Variants in NR5A1 observed in about 807,000 individuals in gnomAD.
The protein encoded by NR5A1 is nuclear receptor subfamily 5 group A member 1.
Under a neutral mutation model 42.7 loss-of-function variants are expected in NR5A1, and 6 were observed. The observed-to-expected ratio is 0.14, with a 90% CI of 0.08 to 0.28. The LOEUF (loss-of-function observed/expected upper bound fraction) is 0.28, where lower values mean the gene tolerates loss of function less well. NR5A1 is among the 10% of genes least tolerant of loss of function. The probability of loss-of-function intolerance (pLI) is 1.00; values close to 1 mark genes in which losing one functional copy is unlikely to be tolerated. For synonymous variants in NR5A1, 274 were observed against 277.5 expected, an observed-to-expected ratio of 0.99 and a Z score of 0.12; for missense variants, 442 against 626.4, an observed-to-expected ratio of 0.71 and a Z score of 3.14.
Position 124,496,210 on chromosome 9 carries a change from C to T in NR5A1, c.871-3061G>A, listed in dbSNP as rs936302519. 6.0e-5 allele frequency among the ~76,000 whole-genome samples: 9 copies of T among 150,484 alleles called. No individual in the cohort carries two copies. Among genetic ancestry groups the T allele is most frequent in the Admixed American group, 1.3e-4 (2 of 15,200 alleles). ...CACACACACACACACACACACACAA[C>T]CTCTTTTTATTTAAAAGAAAACCAC... On this transcript the variant is annotated intron_variant, in intron 4 of 6. Coordinates refer to ENST00000373588, the MANE Select transcript of NR5A1 (RefSeq NM_004959.5). The surrounding 1 kb of genome is among the most constrained non-coding windows in gnomAD (Gnocchi z 5.0).
In NR5A1 at chr9:124,482,725, G is replaced by GCCCCC; in HGVS notation, c.*28_*32dup. 1.2e-5 allele frequency: 2 copies of GCCCCC among 167,200 alleles called. No individual in the cohort carries two copies. The highest frequency in any genetic ancestry group is 3.2e-5 in the South Asian group (1 of 31,220). The allele number at this position is 167,200 out of a possible 1,614,324, so 10.4% of individuals were successfully genotyped here. A position where few individuals can be genotyped will look rare whatever the true frequency, so the allele number is the denominator to read the frequency against. On this transcript the variant is annotated 3_prime_UTR_variant, in exon 7 of 7. Coordinates refer to ENST00000373588, the MANE Select transcript of NR5A1 (RefSeq NM_004959.5). ...CCGCCCAGGCCCCGCCCCCAGTCCC[G>GCCCCC]CCCCCAGTCCCGGCCCCGCCCCCGG...
In NR5A1 at chr9:124,491,961, A is replaced by G. The variant is rs536517765; in HGVS notation, c.991-733T>C. Among the ~76,000 whole-genome samples the G allele has an allele frequency of 3.0e-4, 45 of 151,870 alleles. No homozygotes were observed. The South Asian group carries it at 9.0e-3, about 30-fold the overall frequency. ...ACTCAGCCAGCCTGCGGACACCCACACTTCATGCAGACTGCAGGCACCTGC... is the reference window on the plus strand; with the variant it reads ...ACTCAGCCAGCCTGCGGACACCCACGCTTCATGCAGACTGCAGGCACCTGC... On this transcript the variant is annotated intron_variant, in intron 5 of 6. Transcript: ENST00000373588.
intron 4 of NR5A1, 101 bp downstream of exon 4, chr9:124,499,989 C>T: frequency 6.4e-7 from 1 of 1,564,376 alleles, no homozygotes; most frequent in African/African-American, 1.3e-5. Context: ...CTGCCTGAAG[C>T]CAGTGGGAAG....
At chr9:124,494,048 C>T (rs752303678) in intron 4 of NR5A1, among the ~76,000 whole-genome samples, 4 of 152,246 alleles carry the variant, frequency 2.6e-5, no homozygotes, top group Non-Finnish European at 5.9e-5. Flanking sequence ...TGTGACAAAA[C>T]GAGCCCTTCT....
chr9:124,481,340 A>G lies in NR5A1; in HGVS notation c.*1418T>C, dbSNP rs1433499261. The G allele has an allele frequency of 7.7e-6, 1 of 129,378 alleles. No individual in the cohort carries two copies. Among genetic ancestry groups the G allele is most frequent in the Non-Finnish European group, 1.6e-5 (1 of 64,032 alleles). The allele number at this position is 129,378 out of a possible 1,614,324, so 8.0% of individuals were successfully genotyped here. A position where few individuals can be genotyped will look rare whatever the true frequency, so the allele number is the denominator to read the frequency against. ...GGGTCTCCGGCCTTGGCAGGGGCAC[A>G]TGTTTCAGGGGGCGGGGAGGGGAGG... On this transcript the variant is annotated 3_prime_UTR_variant, in exon 7 of 7. Transcript: ENST00000373588.
rs1053530869 is a variant in NR5A1 at position 124,504,638 on chromosome 9, G to A, written c.-15-1228C>T. ...AGCGCGAAGAGCCAGGGCCCGGGAC[G>A]CGAGAGGGGGCGCGACGGCGGCTGC... is the stretch of plus-strand genomic sequence containing the variant. On this transcript the variant is annotated intron_variant, in intron 1 of 6. Transcript: ENST00000373588. 4.0e-4 allele frequency among the ~76,000 whole-genome samples: 61 copies of A among 151,392 alleles called. 1 individual carries two copies. The highest frequency in any genetic ancestry group is 2.0e-4 in the Admixed American group (3 of 15,208).
In NR5A1 at chr9:124,503,081, T is replaced by C; in HGVS notation, c.242A>G (p.Glu81Gly). Residue 81 changes from glutamate to glycine, a missense_variant and splice_region_variant, in exon 3 of 7, where the codon GAA becomes GGA. Coordinates refer to ENST00000373588, the MANE Select transcript of NR5A1 (RefSeq NM_004959.5). This position sits in a 1 kb window ranked among gnomAD's most constrained non-coding sequence, Gnocchi z 9.6. Reference protein sequence around the residue: ...QKCLTVGMRLEAVRADRMRGG... With the variant: ...QKCLTVGMRLGAVRADRMRGG... ...GTCGAGGCCCGCGCGGCGCGCACCT[T>C]CCAGGCGCATCCCCACCGTCAGGCA... The C allele has an allele frequency of 6.3e-7, 1 of 1,577,822 alleles. No homozygotes were observed. Among genetic ancestry groups the C allele is most frequent in the Non-Finnish European group, 8.6e-7 (1 of 1,164,916 alleles).
chr9:124,482,702 G>GGCCCCCCCCC lies in NR5A1; in HGVS notation c.*55_*56insGGGGGGGGGC. 2.6e-6 allele frequency: 1 copy of GGCCCCCCCCC among 389,624 alleles called. No homozygotes were observed. The highest frequency in any genetic ancestry group is 1.8e-5 in the South Asian group (1 of 54,832). 24.1% of individuals were successfully genotyped at this position (389,624 alleles called of 1,614,324 possible). A position where few individuals can be genotyped will look rare whatever the true frequency, so the allele number is the denominator to read the frequency against. ...GAGCCAGCGGTGTGGCTGCGGCCCC[G>GGCCCCCCCCC]CCCAGGCCCCGCCCCCAGTCCCGCC... is the stretch of plus-strand genomic sequence containing the variant. On this transcript the variant is annotated 3_prime_UTR_variant, in exon 7 of 7. Transcript: ENST00000373588.
At chr9:124,504,052 C>T (rs142718853) in intron 1 of NR5A1, among the ~76,000 whole-genome samples, 1 of 103,294 alleles carries the variant, frequency 9.7e-6, no homozygotes, top group Non-Finnish European at 1.8e-5. Flanking sequence ...GAGAGAGAGA[C>T]GAGAGAGAGA....
intron 6 of NR5A1, among the ~76,000 whole-genome samples, chr9:124,487,777 C>T (rs1016223054): frequency 6.6e-6 from 1 of 152,218 alleles, no homozygotes; most frequent in African/African-American, 2.4e-5. Flanking sequence ...TCCCTGGAGC[C>T]CCAGCTCTGG....
intron 1 of NR5A1, among the ~76,000 whole-genome samples, chr9:124,504,276 G>C (rs970483911): frequency 1.3e-5 from 2 of 152,194 alleles, no homozygotes; most frequent in Non-Finnish European, 2.9e-5. Context: ...CGCCCAGCCC[G>C]AGGGTCGGGG....
Position 124,491,094 on chromosome 9 carries a change from G to A in NR5A1, c.1125C>T (p.Ile375=). The A allele has an allele frequency of 1.9e-6, 3 of 1,601,644 alleles. No homozygotes were observed. The highest frequency in any genetic ancestry group is 2.2e-5 in the South Asian group (2 of 89,684). The part of the protein sequence containing the change: ...RQEFVCLKFI[I]LFSLDLKFLN... Reference sequence around the variant, plus strand: ...AGCTGCACTCACCCAGGCTGAAGAGGATGATGAACTTGAGGCAGACAAACT... The same window carrying A: ...AGCTGCACTCACCCAGGCTGAAGAGAATGATGAACTTGAGGCAGACAAACT... The change falls in exon 6 of 7, where the codon ATC becomes ATT. Residue 375 remains isoleucine (I), a synonymous_variant. Transcript: ENST00000373588.
intron 5 of NR5A1, among the ~76,000 whole-genome samples, chr9:124,492,528 C>G (rs531488237): frequency 6.6e-6 from 1 of 152,048 alleles, no homozygotes; most frequent in African/African-American, 2.4e-5. Flanking sequence ...TTCATTCATT[C>G]GAGATTTAGG....
intron 3 of NR5A1, 137 bp downstream of exon 3, chr9:124,502,942 C>T (rs2131289480): frequency 8.0e-7 from 1 of 1,244,716 alleles, no homozygotes; most frequent in Non-Finnish European, 1.1e-6. Flanking sequence ...GGTTCTCTTG[C>T]AGCGACTGGG....
In NR5A1 at chr9:124,503,143, C is replaced by G. The variant is rs1832493642; in HGVS notation, c.180G>C (p.Thr60=). Residue 60 remains threonine (T), a synonymous_variant, in exon 3 of 7, where the codon ACG becomes ACC. Coordinates refer to ENST00000373588, the MANE Select transcript of NR5A1 (RefSeq NM_004959.5). The surrounding 1 kb of genome is among the most constrained non-coding windows in gnomAD (Gnocchi z 9.6). Reference sequence around the variant, plus strand: ...GGCAGAAGGGACAGCGCTTGCGCTGCGTCTTGTCGATCTTGCAGCTCTGGC... The same window carrying G: ...GGCAGAAGGGACAGCGCTTGCGCTGGGTCTTGTCGATCTTGCAGCTCTGGC... ...TESQSCKIDK[T]QRKRCPFCRF... 2 of 1,598,110 alleles carry G rather than the reference C, an allele frequency of 1.3e-6. No homozygotes were observed. The highest frequency in any genetic ancestry group is 1.7e-6 in the Non-Finnish European group (2 of 1,173,644).
At chr9:124,506,139 C>G (rs371340777) in intron 1 of NR5A1, among the ~76,000 whole-genome samples, 10 of 152,358 alleles carry the variant, frequency 6.6e-5, no homozygotes, top group African/African-American at 2.4e-4. Flanking sequence ...GGCCAGAGAA[C>G]CCCCCGCGCA....
At chr9:124,483,910 C>T (rs1333377894) in intron 6 of NR5A1, among the ~76,000 whole-genome samples, 1 of 152,216 alleles carries the variant, frequency 6.6e-6, no homozygotes, top group East Asian at 1.9e-4. Context: ...GGGGAGCATG[C>T]ACATTCACTG....
At chr9:124,489,422 A>G (rs777746223) in intron 6 of NR5A1, among the ~76,000 whole-genome samples, 44 of 152,226 alleles carry the variant, frequency 2.9e-4, no homozygotes, top group Non-Finnish European at 5.9e-4. Context: ...CCCCAGTCAC[A>G]CACAAACTCT....
At chr9:124,490,671 A>G (rs73594063) in intron 6 of NR5A1, among the ~76,000 whole-genome samples, 8,522 of 151,968 alleles carry the variant, frequency 0.056, 681 homozygotes, top group African/African-American at 0.18. Context: ...TCACAGCGGT[A>G]TTCCCAGTGC....
Sources: gnomAD v4.1 joint callset for allele counts (sites outside exome capture counted in the v4.1 genomes callset) on GRCh38, gnomAD v4.1.1 for gene constraint, Gnocchi (gnomAD v3.1) non-coding constraint, MANE v1.5 for transcripts, NCBI Gene and HGNC (gene_info 2026-07-23, HGNC 2026-07-21) for gene names.